Variants in SMG6 observed in about 807,000 individuals in gnomAD.
SMG6 encodes the protein telomerase-binding protein EST1A.
A neutral mutation model predicts 142.2 loss-of-function variants in SMG6; 66 were observed. The ratio of observed to expected loss-of-function variants is 0.46; its 90% CI spans 0.38 to 0.57. The LOEUF is 0.57. SMG6 is among the 20% of genes least tolerant of loss of function. SMG6 has a pLI of 0.00. For synonymous variants in SMG6, 779 were observed against 702.4 expected (o/e 1.11, Z -1.72); for missense variants, 1,793 against 1,832.0 (o/e 0.98, Z 0.39).
At chr17:2,247,918 C>T (rs1392024140) in intron 8 of SMG6, among the ~76,000 whole-genome samples, 5 of 151,876 alleles carry the variant, frequency 3.3e-5, no homozygotes, top group Admixed American at 2.6e-4. Context: ...ATGGTGAAAC[C>T]CAGTATCTGT....
chr17:2,096,806 T>C (rs1172723822), intron 13 of SMG6, among the ~76,000 whole-genome samples: 1 of 151,912 alleles, frequency 6.6e-6, no homozygotes, highest in Non-Finnish European at 1.5e-5. Context: ...TGACTTCACA[T>C]GACCTTCAGT....
intron 12 of SMG6, among the ~76,000 whole-genome samples, chr17:2,184,960 CAAA>C (rs58230459): frequency 3.1e-4 from 7 of 22,470 alleles, no homozygotes; most frequent in African/African-American, 9.7e-4. Flanking sequence ...GACTCCATCT[CAAA>C]AAAAAAAAAA....
intron 6 of SMG6, among the ~76,000 whole-genome samples, chr17:2,289,438 T>C (rs2074981999): frequency 2.0e-5 from 3 of 151,912 alleles, no homozygotes; most frequent in African/African-American, 7.3e-5. Context: ...GTGCCTGTAG[T>C]CCCAGCTAAT....
intron 13 of SMG6, among the ~76,000 whole-genome samples, chr17:2,093,593 C>A (rs183365397): frequency 6.6e-6 from 1 of 152,138 alleles, no homozygotes; most frequent in Non-Finnish European, 1.5e-5. Flanking sequence ...GGAAGCCAGT[C>A]TGAGAGGCAA....
chr17:2,266,563 CA>C (rs2074426510), intron 8 of SMG6, among the ~76,000 whole-genome samples: 1 of 152,198 alleles, frequency 6.6e-6, no homozygotes. Context: ...TGTCACGTCT[CA>C]ACCCCAGAAA....
rs2067722670 is a variant in SMG6 at position 2,059,883 on chromosome 17, G to T, written c.*1609C>A. 1 of 162,002 alleles carries T rather than the reference G, an allele frequency of 6.2e-6. No homozygotes were observed. The highest frequency in any genetic ancestry group is 2.4e-5 in the African/African-American group (1 of 41,446). The allele number at this position is 162,002 out of a possible 1,614,324, so 10.0% of individuals were successfully genotyped here. The stretch of plus-strand genomic sequence containing the variant: ...AAAATTTATTAAGGAAACAAAACCA[G>T]TGCTGCAAACGGGACAGAAAGGAGA... On this transcript the variant is annotated 3_prime_UTR_variant, in exon 19 of 19. Coordinates refer to ENST00000263073, the MANE Select transcript of SMG6 (RefSeq NM_017575.5).
intron 13 of SMG6, chr17:2,087,069 A>G: frequency 1.5e-6 from 2 of 1,290,478 alleles, no homozygotes; most frequent in Non-Finnish European, 2.0e-6. Context: ...ATAGGGAAGT[A>G]CTAACCTGGA....
intron 8 of SMG6, among the ~76,000 whole-genome samples, chr17:2,267,348 C>A (rs979684041): frequency 6.8e-6 from 1 of 146,348 alleles, no homozygotes; most frequent in African/African-American, 2.4e-5. Flanking sequence ...GGACCACCCA[C>A]CACACCTGGC....
intron 13 of SMG6, among the ~76,000 whole-genome samples, chr17:2,153,207 G>A (rs2070880756): frequency 6.6e-6 from 1 of 152,162 alleles, no homozygotes; most frequent in Non-Finnish European, 1.5e-5. Flanking sequence ...GTTAGTGTTA[G>A]TGTAGTCTAT....
At chr17:2,106,192 A>G (rs1324279294) in intron 13 of SMG6, among the ~76,000 whole-genome samples, 1 of 152,108 alleles carries the variant, frequency 6.6e-6, no homozygotes, top group Non-Finnish European at 1.5e-5. Context: ...CTGCCATAGA[A>G]TTTTCCCTTT....
intron 13 of SMG6, among the ~76,000 whole-genome samples, chr17:2,148,645 G>C (rs2070738850): frequency 6.6e-6 from 1 of 152,248 alleles, no homozygotes; most frequent in Middle Eastern, 3.4e-3. Context: ...GATCACTTGA[G>C]GCCAGGAGCT....
At chr17:2,065,365 C>A (rs1597319655) in intron 17 of SMG6, 103 bp downstream of exon 17, 2 of 1,223,110 alleles carry the variant, frequency 1.6e-6, no homozygotes, top group East Asian at 5.0e-5. Context: ...TGGTGGCTGG[C>A]CCTCAGCTGC....
intron 10 of SMG6, among the ~76,000 whole-genome samples, chr17:2,201,966 G>C (rs2072540470): frequency 6.6e-6 from 1 of 152,140 alleles, no homozygotes; most frequent in Admixed American, 6.5e-5. Context: ...GGAGGTTGTA[G>C]TGAGCTGAGA....
At chr17:2,249,029 G>A (rs1157159098) in intron 8 of SMG6, among the ~76,000 whole-genome samples, 10 of 151,824 alleles carry the variant, frequency 6.6e-5, no homozygotes, top group Non-Finnish European at 5.9e-5. Context: ...TGGGACTACA[G>A]GCGCCCGCCA....
At position 2,103,679 on chromosome 17, in the gene SMG6, T is replaced by C. The variant is rs190419359; in HGVS notation, c.3358-17778A>G. ...GGCTGGCTCTCGCCCCACGCTCTTC[T>C]TGTGAGCTGTTTCTTTCCCATGACC... On this transcript the variant is annotated intron_variant, in intron 13 of 18. Transcript: ENST00000263073. 4.5e-3 allele frequency among the ~76,000 whole-genome samples: 689 copies of C among 152,284 alleles called. 8 individuals carry two copies. Among genetic ancestry groups the C allele is most frequent in the African/African-American group, 0.016 (651 of 41,550 alleles).
intron 8 of SMG6, among the ~76,000 whole-genome samples, chr17:2,270,121 T>C (rs2151355323): frequency 6.6e-6 from 1 of 152,030 alleles, no homozygotes; most frequent in African/African-American, 2.4e-5. Flanking sequence ...CTAGACAAAA[T>C]TATGAAGGCT....
At chr17:2,117,554 G>A (rs1002670297) in intron 13 of SMG6, 4 of 151,984 alleles carry the variant, frequency 2.6e-5, no homozygotes, top group African/African-American at 9.7e-5. Flanking sequence ...CATTTATAAT[G>A]GCATAAAAAA....
chr17:2,297,825 G>A (rs1034345956), intron 3 of SMG6, 38 bp downstream of exon 3: 2 of 1,586,046 alleles, frequency 1.3e-6, no homozygotes, highest in Non-Finnish European at 1.7e-6. Flanking sequence ...ACAGAATGCT[G>A]AAGCCTTTAT....
At chr17:2,150,887 A>T (rs898530988) in intron 13 of SMG6, among the ~76,000 whole-genome samples, 31 of 143,916 alleles carry the variant, frequency 2.2e-4, no homozygotes, top group Admixed American at 1.5e-3. Context: ...GTGAAGGATT[A>T]AAAAAAAAAA....
Sources: gnomAD v4.1 joint callset for allele counts (sites outside exome capture counted in the v4.1 genomes callset) on GRCh38, gnomAD v4.1.1 for gene constraint, MANE v1.5 for transcripts, NCBI Gene and HGNC (gene_info 2026-07-23, HGNC 2026-07-21) for gene names.